The following BFSP1 variants were observed in gnomAD, a reference collection of about 807,000 sequenced individuals.
BFSP1 encodes the protein beaded filament structural protein 1.
BFSP1 carries 38 observed loss-of-function variants against 43.9 expected under a neutral mutation model. The observed-to-expected ratio is 0.87, with a 90% CI of 0.67 to 1.14. BFSP1 has a LOEUF of 1.14. BFSP1 is among the 50% of genes most tolerant of loss of function. The probability of loss-of-function intolerance (pLI) is 0.00; values close to 1 mark genes in which losing one functional copy is unlikely to be tolerated. For synonymous variants in BFSP1, 352 were observed against 354.8 expected, an observed-to-expected ratio of 0.99 and a Z score of 0.09; for missense variants, 850 against 875.1, an observed-to-expected ratio of 0.97 and a Z score of 0.36.
chr20:17,516,634 A>T (rs1212855914), intron 2 of BFSP1, among the ~76,000 whole-genome samples: 3 of 152,236 alleles, frequency 2.0e-5, no homozygotes, highest in Non-Finnish European at 4.4e-5. Flanking sequence ...TTTGGTCTAA[A>T]GCATTAGCAA....
intron 2 of BFSP1, chr20:17,516,969 C>T: frequency 1.3e-6 from 1 of 757,216 alleles, no homozygotes; most frequent in Non-Finnish European, 2.4e-6. Flanking sequence ...TCAGTAAAGA[C>T]TGATCTTTGC....
chr20:17,533,608 C>T (rs1272238635), upstream of BFSP1, among the ~76,000 whole-genome samples: 2 of 152,184 alleles, frequency 1.3e-5, no homozygotes, highest in Non-Finnish European at 2.9e-5. Context: ...CTGCTGACAT[C>T]TCATTGGTCA....
intron 1 of BFSP1, among the ~76,000 whole-genome samples, chr20:17,527,920 T>C (rs1209911395): frequency 6.6e-6 from 1 of 152,206 alleles, no homozygotes; most frequent in Admixed American, 6.5e-5. Context: ...ATAGTTTTGT[T>C]TTTATTTCAT....
At chr20:17,556,345 A>G (rs898679811) in intron 1 of BFSP1, among the ~76,000 whole-genome samples, 3 of 152,068 alleles carry the variant, frequency 2.0e-5, no homozygotes, top group Non-Finnish European at 2.9e-5. Context: ...AAAAAATACA[A>G]TAGTTAGCTG....
At position 17,539,465 on chromosome 20, in the gene BFSP1, A is replaced by T. The variant is rs563682829; in HGVS notation, c.3-14557T>A. On this transcript the variant is annotated intron_variant, in intron 1 of 7. Coordinates refer to the BFSP1 transcript ENST00000377868. The stretch of plus-strand genomic sequence containing the variant: ...ATTCATATATTCATAGATTGAACAT[A>T]CATTTGGGGGCTGGGCATCTGGCTC... Among the ~76,000 whole-genome samples, 7 of 152,184 alleles carry T rather than the reference A, an allele frequency of 4.6e-5. No homozygotes were observed. The East Asian group carries it at 5.8e-4, about 13-fold the overall frequency.
intron 5 of BFSP1, among the ~76,000 whole-genome samples, chr20:17,503,131 C>T (rs1459092747): frequency 6.6e-6 from 1 of 152,162 alleles, no homozygotes; most frequent in Non-Finnish European, 1.5e-5. Flanking sequence ...TCAAGTGGTC[C>T]CCACACCTTT....
intron 1 of BFSP1, among the ~76,000 whole-genome samples, chr20:17,558,473 T>C (rs2035031829): frequency 6.6e-6 from 1 of 152,186 alleles, no homozygotes; most frequent in African/African-American, 2.4e-5. Flanking sequence ...GCACTTCTTG[T>C]TTCTTGTAAC....
chr20:17,530,910 G>C, intron 1 of BFSP1, 43 bp downstream of exon 1: 1 of 1,334,156 alleles, frequency 7.5e-7, no homozygotes, highest in Non-Finnish European at 9.6e-7. Flanking sequence ...CCGCCGGGAC[G>C]GCCCACGCCC....
rs183618252 is a variant in BFSP1, at chr20:17,550,383, A to G, written c.2+8305T>C. On this transcript the variant is annotated intron_variant, in intron 1 of 7. Transcript: ENST00000377868. ...CTGTTGGGGGGCTGACAGTGTCACA[A>G]GATTTATTAGTTTGTTGATTTAAAG... Among the ~76,000 whole-genome samples the G allele has an allele frequency of 3.6e-4, 55 of 152,206 alleles. 1 individual carries two copies. Among genetic ancestry groups the G allele is most frequent in the Admixed American group, 9.8e-4 (15 of 15,284 alleles).
Position 17,514,828 on chromosome 20 carries a change from G to A in BFSP1, c.439-12C>T, listed in dbSNP as rs758834406. 3 of 1,612,152 alleles carry A rather than the reference G, an allele frequency of 1.9e-6. No homozygotes were observed. Among genetic ancestry groups the A allele is most frequent in the Non-Finnish European group, 2.5e-6 (3 of 1,178,950 alleles). On this transcript the variant is annotated splice_polypyrimidine_tract_variant and intron_variant, in intron 2 of 7. Coordinates refer to ENST00000377873, the MANE Select transcript of BFSP1 (RefSeq NM_001195.5). ...GCTTCATCAGCTTCCTGCAATGAGA[G>A]CCACATATCCCTGGCCACAGGCACC...
At chr20:17,496,789 G>C (rs1027790837) in intron 7 of BFSP1, 149 bp downstream of exon 7, 2 of 701,082 alleles carry the variant, frequency 2.9e-6, no homozygotes, top group African/African-American at 3.8e-5. Flanking sequence ...GCCAGAGAGG[G>C]CAGAGGGTGG....
chr20:17,497,076 G>C (rs951597399), intron 6 of BFSP1, 53 bp from the exon 7 acceptor site: 7 of 1,359,222 alleles, frequency 5.1e-6, no homozygotes, highest in Admixed American at 6.1e-5. Flanking sequence ...GGGCAAGAGC[G>C]ACTCTCGTTA....
At chr20:17,537,806 T>A (rs1281339564) in intron 1 of BFSP1, among the ~76,000 whole-genome samples, 2 of 152,102 alleles carry the variant, frequency 1.3e-5, no homozygotes, top group African/African-American at 4.8e-5. Flanking sequence ...ATTTTAAACA[T>A]TGTATTACGA....
At chr20:17,561,503 A>G (rs1257182430), upstream of BFSP1, among the ~76,000 whole-genome samples, 3 of 143,870 alleles carry the variant, frequency 2.1e-5, no homozygotes, top group South Asian at 2.3e-4. Flanking sequence ...CGCCTCAAAG[A>G]AAAAAAAAAA....
At chr20:17,510,234 A>C (rs1245169760) in intron 4 of BFSP1, among the ~76,000 whole-genome samples, 2 of 152,234 alleles carry the variant, frequency 1.3e-5, no homozygotes, top group African/African-American at 2.4e-5. Flanking sequence ...ACGTCTCACA[A>C]GCCCAGACGA....
upstream of BFSP1, among the ~76,000 whole-genome samples, chr20:17,563,925 C>T (rs867820735): frequency 2.9e-5 from 4 of 140,144 alleles, no homozygotes; most frequent in Admixed American, 1.4e-4. Context: ...CCCTTTTTAT[C>T]TTTTTTCCTC....
At chr20:17,548,650 G>A (rs2034846585) in intron 1 of BFSP1, among the ~76,000 whole-genome samples, 1 of 152,190 alleles carries the variant, frequency 6.6e-6, no homozygotes, top group South Asian at 2.1e-4. Context: ...GCTTTTATCA[G>A]TTCTTGGAGT....
chr20:17,497,486 G>A (rs1304733680), intron 6 of BFSP1, among the ~76,000 whole-genome samples: 1 of 116,048 alleles, frequency 8.6e-6, no homozygotes, highest in Non-Finnish European at 1.8e-5. Context: ...ATATACGTGT[G>A]TATATATATA....
intron 5 of BFSP1, 45 bp downstream of exon 5, chr20:17,508,844 A>G (rs750341793): frequency 2.7e-6 from 4 of 1,477,412 alleles, no homozygotes; most frequent in Non-Finnish European, 3.6e-6. Flanking sequence ...ACCTCCATGA[A>G]ACATGTGGGA....
Sources: gnomAD v4.1 joint callset for allele counts (sites outside exome capture counted in the v4.1 genomes callset) on GRCh38, gnomAD v4.1.1 for gene constraint, MANE v1.5 for transcripts, NCBI Gene and HGNC (gene_info 2026-07-23, HGNC 2026-07-21) for gene names.